SRL: variants seen among roughly 807,000 people sequenced by gnomAD.
The protein encoded by SRL is sarcalumenin.
Under a neutral mutation model 39.5 loss-of-function variants are expected in SRL, and 23 were observed. The ratio of observed to expected loss-of-function variants is 0.58; its 90% CI spans 0.42 to 0.82. SRL has a LOEUF of 0.82. Ranked by LOEUF, SRL falls within the 40% of genes least tolerant of loss-of-function variation. The probability of loss-of-function intolerance (pLI) is 0.00; values close to 1 mark genes in which losing one functional copy is unlikely to be tolerated. For synonymous variants in SRL, 272 were observed against 237.4 expected, an observed-to-expected ratio of 1.15 and a Z score of -1.34; for missense variants, 592 against 607.8, an observed-to-expected ratio of 0.97 and a Z score of 0.27.
intron 1 of SRL, among the ~76,000 whole-genome samples, chr16:4,238,447 T>C (rs1468231228): frequency 6.6e-6 from 1 of 152,186 alleles, no homozygotes; most frequent in Non-Finnish European, 1.5e-5. Flanking sequence ...CGGCCTCATC[T>C]GGACCTCCCT....
Position 4,192,201 on chromosome 16 carries a change from G to A in SRL, c.1374C>T (p.Asp458=), listed in dbSNP as rs1567171932. 6.3e-7 allele frequency: 1 copy of A among 1,587,046 alleles called. No homozygotes were observed. Among genetic ancestry groups the A allele is most frequent in the Non-Finnish European group, 8.6e-7 (1 of 1,169,146 alleles). ...TTGGTGTTTCGCTACACCCTGTTTT[G>A]TCACAGTTGAGAGCACCTGGATTCT... is the stretch of plus-strand genomic sequence containing the variant. The part of the protein sequence containing the change: ...LGKNPGALNC[D]KTGCSETPKN... Residue 458 remains aspartate, a synonymous_variant, in exon 6 of 6, where the codon GAC becomes GAT. Coordinates refer to ENST00000399609, the MANE Select transcript of SRL (RefSeq NM_001098814.2). This position sits in a 1 kb window ranked among gnomAD's most constrained non-coding sequence, Gnocchi z 4.0.
chr16:4,216,697 G>T (rs2052464598), intron 1 of SRL, among the ~76,000 whole-genome samples: 1 of 152,210 alleles, frequency 6.6e-6, no homozygotes, highest in Non-Finnish European at 1.5e-5. Context: ...GATCAGCCGT[G>T]CCTGCAGTGA....
intron 4 of SRL, among the ~76,000 whole-genome samples, chr16:4,197,234 A>G (rs1053860023): frequency 4.0e-5 from 6 of 150,480 alleles, no homozygotes; most frequent in African/African-American, 1.5e-4. Flanking sequence ...ACACCCAGCT[A>G]ATTTTTTGTA....
chr16:4,229,823 G>T (rs1257484899), intron 1 of SRL, among the ~76,000 whole-genome samples: 1 of 152,270 alleles, frequency 6.6e-6, no homozygotes, highest in South Asian at 2.1e-4. Flanking sequence ...AGCTTCTGCA[G>T]ATGAGGAGGT....
chr16:4,219,188 T>C (rs2052493334), intron 1 of SRL, among the ~76,000 whole-genome samples: 1 of 152,212 alleles, frequency 6.6e-6, no homozygotes, highest in African/African-American at 2.4e-5. Flanking sequence ...TTGCCAGAAG[T>C]CGCCAGTGCA....
At position 4,192,467 on chromosome 16, in the gene SRL, C is replaced by T. The variant is rs540376570; in HGVS notation, c.1108G>A (p.Asp370Asn). The change falls in exon 6 of 6, where the codon GAC becomes AAC. Residue 370 changes from aspartate (D) to asparagine (N), a missense_variant. By Grantham distance (23) the Asp-to-Asn change is conservative (BLOSUM62 1). Transcript: ENST00000399609. This position sits in a 1 kb window ranked among gnomAD's most constrained non-coding sequence, Gnocchi z 4.0. ...AATTTATCGGGATCTTCCACAATGT[C>T]CTTAAAGACCAGTTCTCCATCACTG... is the stretch of plus-strand genomic sequence containing the variant. ...FFSDGELVFK[D>N]IVEDPDKFYI... 8.1e-6 allele frequency: 13 copies of T among 1,614,202 alleles called. No homozygotes were observed. In the Admixed American group the frequency reaches 8.3e-5, roughly 10 times the overall value.
At chr16:4,238,570 A>G (rs1334549197) in intron 1 of SRL, among the ~76,000 whole-genome samples, 2 of 152,136 alleles carry the variant, frequency 1.3e-5, no homozygotes, top group Non-Finnish European at 2.9e-5. Context: ...GGATGTAGGA[A>G]AAAACCAGCA....
chr16:4,225,464 G>C (rs568654891), intron 1 of SRL, among the ~76,000 whole-genome samples: 1 of 151,906 alleles, frequency 6.6e-6, no homozygotes, highest in Admixed American at 6.6e-5. Context: ...TGCACCTATA[G>C]TGCCAGCTAC....
intron 1 of SRL, among the ~76,000 whole-genome samples, chr16:4,214,053 C>T (rs2052425741): frequency 6.6e-6 from 1 of 152,168 alleles, no homozygotes; most frequent in Non-Finnish European, 1.5e-5. Context: ...GTGTGTTTCA[C>T]AAGGGGATTC....
At chr16:4,206,759 C>A (rs1188907169) in intron 1 of SRL, 2 of 454,830 alleles carry the variant, frequency 4.4e-6, no homozygotes, top group Admixed American at 2.4e-5. Flanking sequence ...CTCCCTCCCC[C>A]TGATGTCCCT....
intron 1 of SRL, among the ~76,000 whole-genome samples, chr16:4,213,296 G>A (rs945713184): frequency 1.0e-4 from 15 of 150,382 alleles, no homozygotes; most frequent in Admixed American, 2.0e-4. Context: ...TACTCTCCTC[G>A]CTTCTTCCTT....
chr16:4,223,667 G>C (rs2052556175), intron 1 of SRL, among the ~76,000 whole-genome samples: 1 of 151,896 alleles, frequency 6.6e-6, no homozygotes, highest in Non-Finnish European at 1.5e-5. Flanking sequence ...ATTACAGAAA[G>C]ATGAGCCACC....
intron 1 of SRL, among the ~76,000 whole-genome samples, chr16:4,229,449 C>CA (rs201366779): frequency 0.014 from 2,071 of 148,440 alleles, 60 homozygotes; most frequent in African/African-American, 0.048. Context: ...GACACCGTCT[C>CA]AAAAAAAAAC....
chr16:4,214,516 G>A (rs1013451272), intron 1 of SRL, among the ~76,000 whole-genome samples: 5 of 152,164 alleles, frequency 3.3e-5, no homozygotes, highest in African/African-American at 1.2e-4. Context: ...TGAGCCCCAT[G>A]TCTTGCCCCC....
intron 1 of SRL, among the ~76,000 whole-genome samples, chr16:4,240,343 G>A (rs900012225): frequency 2.0e-5 from 3 of 152,184 alleles, no homozygotes; most frequent in African/African-American, 7.2e-5. Flanking sequence ...ATGGGGGCGT[G>A]AGGAAGCCAC....
chr16:4,206,625 CCT>C (rs2052321898), intron 1 of SRL: 1 of 450,772 alleles, frequency 2.2e-6, no homozygotes, highest in Non-Finnish European at 4.5e-6. Context: ...GGCCTGCCAC[CCT>C]CTGCCACCTT....
At chr16:4,200,438 G>A (rs1003633418) in intron 3 of SRL, among the ~76,000 whole-genome samples, 2 of 152,186 alleles carry the variant, frequency 1.3e-5, no homozygotes, top group African/African-American at 4.8e-5. Context: ...TACAGGAGGT[G>A]GGAGGTGAGC....
At position 4,192,858 on chromosome 16, in the gene SRL, G is replaced by C. The variant is rs745654151; in HGVS notation, c.717C>G (p.Leu239=). Residue 239 remains leucine, a synonymous_variant, in exon 6 of 6, where the codon CTC becomes CTG. Coordinates refer to ENST00000399609, the MANE Select transcript of SRL (RefSeq NM_001098814.2). This position sits in a 1 kb window ranked among gnomAD's most constrained non-coding sequence, Gnocchi z 4.0. The stretch of plus-strand genomic sequence containing the variant: ...ATTCACGCCCCTTCAACTGGCGGAA[G>C]AGCATCTCCAGCTCTAGACCCACAT... ...KLDVGLELEM[L]FRQLKGRESQ... The C allele has an allele frequency of 4.3e-6, 7 of 1,614,202 alleles. No homozygotes were observed. Among genetic ancestry groups the C allele is most frequent in the African/African-American group, 1.3e-5 (1 of 75,044 alleles).
chr16:4,237,102 C>T (rs1342870807), intron 1 of SRL, among the ~76,000 whole-genome samples: 2 of 151,876 alleles, frequency 1.3e-5, no homozygotes, highest in Non-Finnish European at 2.9e-5. Context: ...CCATCATGCC[C>T]AGTTCATTTT....
Sources: allele counts gnomAD v4.1 joint callset (sites outside exome capture counted in the v4.1 genomes callset), GRCh38; gene constraint gnomAD v4.1.1; non-coding constraint Gnocchi (gnomAD v3.1); transcripts MANE v1.5; gene names NCBI Gene and HGNC (gene_info 2026-07-23, HGNC 2026-07-21).